The following COL19A1 variants were observed in gnomAD, a reference collection of about 807,000 sequenced individuals.
COL19A1 encodes collagen alpha-1(XIX) chain.
COL19A1 carries 159 observed loss-of-function variants against 190.2 expected under a neutral mutation model. The observed-to-expected ratio is 0.84, with a 90% CI of 0.73 to 0.95. COL19A1 has a LOEUF of 0.95. Ranked by LOEUF, COL19A1 falls within the 40% of genes least tolerant of loss-of-function variation. COL19A1 has a pLI of 0.00. For missense variants in COL19A1, 1,418 were observed against 1,431.9 expected (o/e 0.99, Z 0.16); for synonymous variants, 509 against 458.9 (o/e 1.11, Z -1.39).
intron 13 of COL19A1, 149 bp from the exon 14 acceptor site, chr6:70,035,755 T>C: frequency 1.6e-6 from 1 of 608,468 alleles, no homozygotes; most frequent in Non-Finnish European, 2.9e-6. Flanking sequence ...ATATATTTTC[T>C]TTATGCAGAG....
chr6:70,159,507 A>C (rs1787652274), intron 34 of COL19A1, among the ~76,000 whole-genome samples: 1 of 152,064 alleles, frequency 6.6e-6, no homozygotes, highest in Non-Finnish European at 1.5e-5. Flanking sequence ...ACACCAATAC[A>C]CACAAGATTT....
At chr6:69,978,715 G>A (rs1459118095) in intron 11 of COL19A1, among the ~76,000 whole-genome samples, 1 of 151,224 alleles carries the variant, frequency 6.6e-6, no homozygotes, top group African/African-American at 2.4e-5. Flanking sequence ...TAGTAGATGG[G>A]AATTAATAAA....
At chr6:69,914,332 A>G (rs1189666115) in intron 4 of COL19A1, among the ~76,000 whole-genome samples, 3 of 152,182 alleles carry the variant, frequency 2.0e-5, no homozygotes, top group Admixed American at 1.3e-4. Context: ...TGCTAGCCAA[A>G]TTGCTTGTAA....
Position 70,118,325 on chromosome 6 carries a change from A to T in COL19A1, c.1279-3555A>T, listed in dbSNP as rs546228676. Among the ~76,000 whole-genome samples the T allele has an allele frequency of 5.9e-5, 9 of 152,336 alleles. No individual in the cohort carries two copies. The South Asian group carries it at 1.7e-3, about 28-fold the overall frequency. On this transcript the variant is annotated intron_variant, in intron 16 of 50. Coordinates refer to ENST00000620364, the MANE Select transcript of COL19A1 (RefSeq NM_001858.6). ...AGTTGCTTTTGCAATTTAAATGCTT[A>T]TAGCTTATTAATGACCACTATCTTT...
chr6:70,195,560 A>G (rs1767145686), intron 48 of COL19A1, among the ~76,000 whole-genome samples: 1 of 152,316 alleles, frequency 6.6e-6, no homozygotes, highest in Non-Finnish European at 1.5e-5. Context: ...CTCCATGCAG[A>G]GGCAGACTAC....
chr6:70,009,167 G>GA (rs1777827951), intron 11 of COL19A1, among the ~76,000 whole-genome samples: 1 of 151,706 alleles, frequency 6.6e-6, no homozygotes, highest in Admixed American at 6.6e-5. Context: ...AATACTGCAG[G>GA]AAAAAGCCAT....
intron 17 of COL19A1, among the ~76,000 whole-genome samples, chr6:70,123,209 G>T (rs887305890): frequency 4.1e-4 from 62 of 152,210 alleles, no homozygotes; most frequent in Non-Finnish European, 7.8e-4. Context: ...ATGAAAAAAT[G>T]CTCACCATCA....
Position 70,141,880 on chromosome 6 carries a change from AT to A in COL19A1, c.1483-9del. 1 of 1,546,868 alleles carries A rather than the reference AT, an allele frequency of 6.5e-7. No individual in the cohort carries two copies. The highest frequency in any genetic ancestry group is 8.9e-7 in the Non-Finnish European group (1 of 1,119,630). ...TTTAAGCATTACCCTTATAGTAATT[AT>A]TTTATTTACAGGGAGAACCTGGGGT... is the stretch of plus-strand genomic sequence containing the variant. On this transcript the variant is annotated splice_polypyrimidine_tract_variant and intron_variant, in intron 20 of 50. Transcript: ENST00000620364.
At chr6:69,962,026 G>A (rs1456774439) in intron 10 of COL19A1, among the ~76,000 whole-genome samples, 1 of 152,112 alleles carries the variant, frequency 6.6e-6, no homozygotes, top group African/African-American at 2.4e-5. Context: ...TGCTTCTTAT[G>A]CTCCAGGCCC....
chr6:70,168,332 T>C, intron 39 of COL19A1, 117 bp downstream of exon 39: 1 of 1,020,186 alleles, frequency 9.8e-7, no homozygotes, highest in Non-Finnish European at 1.5e-6. Context: ...AGCCAAATTT[T>C]ACAGCAGAAG....
chr6:70,052,838 T>C (rs1780283758), intron 14 of COL19A1, among the ~76,000 whole-genome samples: 1 of 152,192 alleles, frequency 6.6e-6, no homozygotes, highest in South Asian at 2.1e-4. Context: ...GGGTCAGACA[T>C]ACTTGCTTTA....
intron 11 of COL19A1, among the ~76,000 whole-genome samples, chr6:69,963,152 A>C (rs562168000): frequency 1.3e-5 from 2 of 152,238 alleles, no homozygotes; most frequent in Non-Finnish European, 2.9e-5. Flanking sequence ...TTATATTTTT[A>C]TATTATGAAA....
intron 11 of COL19A1, among the ~76,000 whole-genome samples, chr6:69,966,752 C>G (rs896779769): frequency 6.7e-6 from 1 of 148,686 alleles, no homozygotes; most frequent in Admixed American, 6.7e-5. Flanking sequence ...GAGAAACACC[C>G]AAGAATGATC....
intron 11 of COL19A1, among the ~76,000 whole-genome samples, chr6:70,001,767 G>A (rs930768280): frequency 1.3e-4 from 20 of 152,112 alleles, no homozygotes; most frequent in Admixed American, 5.9e-4. Flanking sequence ...GAGTTTTTGC[G>A]CTGAGATGAT....
intron 42 of COL19A1, among the ~76,000 whole-genome samples, chr6:70,179,016 C>T (rs1765997432): frequency 6.6e-6 from 1 of 152,090 alleles, no homozygotes; most frequent in African/African-American, 2.4e-5. Flanking sequence ...GATCTCAAGG[C>T]CCGAGCCCTC....
intron 16 of COL19A1, among the ~76,000 whole-genome samples, chr6:70,107,716 T>C (rs1453764439): frequency 1.3e-5 from 2 of 152,180 alleles, no homozygotes; most frequent in Non-Finnish European, 2.9e-5. Flanking sequence ...ATGTCACACT[T>C]ATTCTAGATA....
chr6:70,198,251 A>G (rs982564474), intron 48 of COL19A1, among the ~76,000 whole-genome samples: 1 of 152,210 alleles, frequency 6.6e-6, no homozygotes, highest in Non-Finnish European at 1.5e-5. Context: ...TACTTACAAA[A>G]TAAATACTAA....
At chr6:69,951,979 T>C (rs1774152497) in intron 9 of COL19A1, among the ~76,000 whole-genome samples, 1 of 151,874 alleles carries the variant, frequency 6.6e-6, no homozygotes, top group Non-Finnish European at 1.5e-5. Context: ...CAGGTCTGAA[T>C]TAGATCTTAA....
At chr6:70,039,435 AG>A (rs1779521375) in intron 14 of COL19A1, among the ~76,000 whole-genome samples, 1 of 152,192 alleles carries the variant, frequency 6.6e-6, no homozygotes, top group Admixed American at 6.5e-5. Context: ...ACTTCATTAT[AG>A]AGGATAGATG....
Sources: gnomAD v4.1 joint callset for allele counts (sites outside exome capture counted in the v4.1 genomes callset) on GRCh38, gnomAD v4.1.1 for gene constraint, MANE v1.5 for transcripts, NCBI Gene and HGNC (gene_info 2026-07-23, HGNC 2026-07-21) for gene names.